YPEL2: variants seen among roughly 807,000 people sequenced by gnomAD.
The protein encoded by YPEL2 is yippee like 2, also known as protein yippee-like 2.
YPEL2 carries 2 observed loss-of-function variants against 19.1 expected under a neutral mutation model. The ratio of observed to expected loss-of-function variants is 0.10; its 90% CI spans 0.04 to 0.33. The LOEUF (loss-of-function observed/expected upper bound fraction) is 0.33. Among genes scored for constraint, YPEL2 ranks in the 10% least tolerant of loss-of-function variants. The pLI, the probability that YPEL2 is intolerant of heterozygous loss-of-function variation, is 1.00. For missense variants in YPEL2, 66 were observed against 140.7 expected, an observed-to-expected ratio of 0.47 and a Z score of 2.68; for synonymous variants, 52 against 50.0, an observed-to-expected ratio of 1.04 and a Z score of -0.17.
rs751666514 is a variant in YPEL2 at position 59,353,396 on chromosome 17, A to G, written c.-14A>G. The G allele has an allele frequency of 1.3e-6, 2 of 1,562,060 alleles. No individual in the cohort carries two copies. Among genetic ancestry groups the G allele is most frequent in the South Asian group, 1.2e-5 (1 of 81,840 alleles). On this transcript the variant is annotated 5_prime_UTR_variant, in exon 2 of 5. Transcript: ENST00000312655. The surrounding 1 kb of genome is among the most constrained non-coding windows in gnomAD (Gnocchi z 4.8). Reference sequence around the variant, plus strand: ...TGGGCTGCCCCAGAGTTCACCCCACACTCAGCAGCACCAATGGTGAAGATG... The same window carrying G: ...TGGGCTGCCCCAGAGTTCACCCCACGCTCAGCAGCACCAATGGTGAAGATG...
chr17:59,351,957 G>A (rs561850074), intron 1 of YPEL2, among the ~76,000 whole-genome samples: 1 of 152,304 alleles, frequency 6.6e-6, no homozygotes, highest in South Asian at 2.1e-4. Flanking sequence ...CGGCCTCAGT[G>A]ACTGTTTTGG....
chr17:59,395,342 C>T (rs1057086745), intron 4 of YPEL2, among the ~76,000 whole-genome samples: 7 of 152,150 alleles, frequency 4.6e-5, no homozygotes, highest in South Asian at 2.1e-4. Flanking sequence ...GTTGATACAA[C>T]GGTGACCCAG....
At chr17:59,347,999 G>T (rs773075677) in intron 1 of YPEL2, among the ~76,000 whole-genome samples, 3 of 151,928 alleles carry the variant, frequency 2.0e-5, no homozygotes, top group Non-Finnish European at 4.4e-5. Flanking sequence ...ATGAAATTTT[G>T]GTGTGTATTG....
At chr17:59,395,973 C>T (rs538116577) in intron 4 of YPEL2, among the ~76,000 whole-genome samples, 5 of 152,154 alleles carry the variant, frequency 3.3e-5, no homozygotes, top group South Asian at 4.2e-4. Context: ...CCCAGCTACT[C>T]GGGAGGCTGA....
intron 1 of YPEL2, among the ~76,000 whole-genome samples, chr17:59,334,745 A>G (rs1787984362): frequency 6.6e-6 from 1 of 152,224 alleles, no homozygotes; most frequent in South Asian, 2.1e-4. Flanking sequence ...CTTCCACTGT[A>G]GCCCTTCTTG....
At chr17:59,367,929 G>T (rs2047878481) in intron 2 of YPEL2, among the ~76,000 whole-genome samples, 1 of 152,102 alleles carries the variant, frequency 6.6e-6, no homozygotes, top group Non-Finnish European at 1.5e-5. Flanking sequence ...CTTGAATGAG[G>T]GTCAAGCCAC....
intron 2 of YPEL2, among the ~76,000 whole-genome samples, chr17:59,384,217 G>C (rs762838539): frequency 6.6e-6 from 1 of 152,164 alleles, no homozygotes; most frequent in Non-Finnish European, 1.5e-5. Context: ...TGTTTCTGGT[G>C]TATCTAAGAA....
At chr17:59,365,055 G>T (rs1393079991) in intron 2 of YPEL2, among the ~76,000 whole-genome samples, 2 of 152,118 alleles carry the variant, frequency 1.3e-5, no homozygotes, top group Admixed American at 6.5e-5. Flanking sequence ...GGCCTGGCAC[G>T]TGATAAGTGC....
Position 59,388,315 on chromosome 17 carries a change from C to T in YPEL2, c.118-12C>T. The T allele has an allele frequency of 6.2e-7, 1 of 1,614,090 alleles. No individual in the cohort carries two copies. The highest frequency in any genetic ancestry group is 1.3e-5 in the African/African-American group (1 of 75,026). On this transcript the variant is annotated splice_polypyrimidine_tract_variant and intron_variant, in intron 2 of 4. Transcript: ENST00000312655. ...GGATGTCTAACTATCGATTTGTTTT[C>T]TTGCATTTCAGTCATTCCAAGGAAG...
chr17:59,387,124 G>A (rs934772783), intron 2 of YPEL2, among the ~76,000 whole-genome samples: 2 of 151,986 alleles, frequency 1.3e-5, no homozygotes, highest in Admixed American at 1.3e-4. Flanking sequence ...GCCGGGTGTT[G>A]TGGTGCACAC....
intron 2 of YPEL2, among the ~76,000 whole-genome samples, chr17:59,382,749 G>A (rs1397844002): frequency 2.0e-5 from 3 of 152,138 alleles, no homozygotes; most frequent in Non-Finnish European, 2.9e-5. Context: ...TTCAAAAGAC[G>A]TATTCTAATG....
chr17:59,379,021 G>T (rs1463612689), intron 2 of YPEL2, among the ~76,000 whole-genome samples: 1 of 152,186 alleles, frequency 6.6e-6, no homozygotes, highest in Non-Finnish European at 1.5e-5. Flanking sequence ...TGTGGAAGAC[G>T]AATAGAGTCA....
Position 59,353,569 on chromosome 17 carries a change from G to A in YPEL2, c.117+43G>A, listed in dbSNP as rs751145577. On this transcript the variant is annotated intron_variant, in intron 2 of 4. Coordinates refer to ENST00000312655, the MANE Select transcript of YPEL2 (RefSeq NM_001005404.4). This position sits in a 1 kb window ranked among gnomAD's most constrained non-coding sequence, Gnocchi z 4.8. ...GCCTTCCTTGCCTACCCCGGGGAGG[G>A]CGCTTAGTGCTCCTGAAGTTGCAGA... 2.1e-6 allele frequency: 3 copies of A among 1,428,742 alleles called. No individual in the cohort carries two copies. In the Admixed American group the frequency reaches 5.0e-5, roughly 24 times the overall value. The allele number at this position is 1,428,742 out of a possible 1,614,324, so 88.5% of individuals were successfully genotyped here.
chr17:59,352,915 A>G (rs1158629216), intron 1 of YPEL2, among the ~76,000 whole-genome samples: 7 of 152,158 alleles, frequency 4.6e-5, no homozygotes, highest in Admixed American at 1.3e-4. Context: ...GTGGTAGCAC[A>G]TCTTCAAGCC....
intron 2 of YPEL2, among the ~76,000 whole-genome samples, chr17:59,357,833 C>T (rs1567740386): frequency 1.3e-5 from 2 of 152,020 alleles, no homozygotes; most frequent in Non-Finnish European, 2.9e-5. Flanking sequence ...TATCACAGAC[C>T]CACTTCGGGG....
At chr17:59,333,495 G>A (rs190605634) in intron 1 of YPEL2, among the ~76,000 whole-genome samples, 1 of 152,294 alleles carries the variant, frequency 6.6e-6, no homozygotes, top group East Asian at 1.9e-4. Flanking sequence ...CTTCCCTCTA[G>A]GAGCATGGTT....
At chr17:59,366,550 C>T (rs1039114836) in intron 2 of YPEL2, among the ~76,000 whole-genome samples, 5 of 152,296 alleles carry the variant, frequency 3.3e-5, no homozygotes, top group South Asian at 2.1e-4. Flanking sequence ...CCAGCCGAGT[C>T]GGGCAGCCCC....
intron 1 of YPEL2, among the ~76,000 whole-genome samples, chr17:59,342,631 G>T (rs893089524): frequency 2.0e-5 from 3 of 152,026 alleles, no homozygotes; most frequent in Non-Finnish European, 4.4e-5. Context: ...TTTTAACCAG[G>T]ATTATCATCT....
chr17:59,337,411 G>A (rs369556051), intron 1 of YPEL2, among the ~76,000 whole-genome samples: 4 of 151,738 alleles, frequency 2.6e-5, no homozygotes, highest in East Asian at 1.9e-4. Context: ...GGATGGTCTC[G>A]ATCTCCTGAC....
Sources: allele counts gnomAD v4.1 joint callset (sites outside exome capture counted in the v4.1 genomes callset), GRCh38; gene constraint gnomAD v4.1.1; non-coding constraint Gnocchi (gnomAD v3.1); transcripts MANE v1.5; gene names NCBI Gene and HGNC (gene_info 2026-07-23, HGNC 2026-07-21).